The following NDC80 variants were observed in gnomAD, a reference collection of about 807,000 sequenced individuals.
The protein encoded by NDC80 is kinetochore protein NDC80 homolog.
A neutral mutation model predicts 89.3 loss-of-function variants in NDC80; 69 were observed. The observed-to-expected ratio is 0.77, with a 90% CI of 0.64 to 0.94. The LOEUF (loss-of-function observed/expected upper bound fraction) is 0.94. Ranked by LOEUF, NDC80 falls within the 40% of genes least tolerant of loss-of-function variation. The pLI is 0.00. For synonymous variants in NDC80, 243 were observed against 255.6 expected (o/e 0.95, Z 0.47); for missense variants, 593 against 739.6 (o/e 0.80, Z 2.30).
At chr18:2,575,123 C>T in intron 3 of NDC80, 57 bp downstream of exon 3, 2 of 1,224,576 alleles carry the variant, frequency 1.6e-6, no homozygotes, top group East Asian at 2.4e-5. Context: ...TACGTTGTTG[C>T]CCTCAGAGAA....
chr18:2,600,198 C>T (rs371964315), intron 12 of NDC80, among the ~76,000 whole-genome samples: 8 of 152,078 alleles, frequency 5.3e-5, no homozygotes, highest in South Asian at 2.1e-4. Context: ...TGAATATGCT[C>T]GAGGAGAAAT....
chr18:2,599,301 T>A (rs2143656866), intron 12 of NDC80, 130 bp downstream of exon 12: 1 of 689,992 alleles, frequency 1.4e-6, no homozygotes, highest in Middle Eastern at 4.2e-4. Flanking sequence ...ATCTTCTTTC[T>A]TCTCGGTCAT....
chr18:2,593,273 C>T (rs1377246246), intron 10 of NDC80, among the ~76,000 whole-genome samples: 3 of 151,888 alleles, frequency 2.0e-5, no homozygotes, highest in African/African-American at 4.8e-5. Context: ...AGACTGGTTT[C>T]GAACTCCTGA....
chr18:2,584,935 G>C (rs997847084), intron 6 of NDC80, among the ~76,000 whole-genome samples, 178 bp from the exon 7 acceptor site: 1 of 152,136 alleles, frequency 6.6e-6, no homozygotes, highest in African/African-American at 2.4e-5. Flanking sequence ...CCTGCAAATT[G>C]TTTTATTCGA....
chr18:2,571,703 T>A lies in NDC80; in HGVS notation c.-10+20T>A, dbSNP rs2143623008. 1 of 152,490 alleles carries A rather than the reference T, an allele frequency of 6.6e-6. No homozygotes were observed. The highest frequency in any genetic ancestry group is 2.1e-4 in the South Asian group (1 of 4,830). The allele number at this position is 152,490 out of a possible 1,614,324, so 9.4% of individuals were successfully genotyped here. On this transcript the variant is annotated intron_variant, in intron 1 of 16. Coordinates refer to ENST00000261597, the MANE Select transcript of NDC80 (RefSeq NM_006101.3). The stretch of plus-strand genomic sequence containing the variant: ...AAAAAGGTGACTGAATGACATCGGA[T>A]TAACTTTGTTTCTGCAGAGCTGTTC...
chr18:2,590,176 A>G lies in NDC80; in HGVS notation c.1015+14A>G, dbSNP rs2072620623. 6 of 1,560,522 alleles carry G rather than the reference A, an allele frequency of 3.8e-6. No individual in the cohort carries two copies. The East Asian group carries it at 1.4e-4, about 37-fold the overall frequency. On this transcript the variant is annotated intron_variant, in intron 10 of 16. Transcript: ENST00000261597. ...TTGCTAGAGTAGGTAAGCAGAGCTA[A>G]TGCTAAAAGACTGGGATGCGAACCT...
intron 6 of NDC80, among the ~76,000 whole-genome samples, chr18:2,579,687 A>G (rs2072566430): frequency 6.6e-6 from 1 of 152,182 alleles, no homozygotes; most frequent in African/African-American, 2.4e-5. Flanking sequence ...TCAGCCTCCC[A>G]AAGTGCTGGG....
rs1308772389 is a variant in NDC80 at position 2,590,100 on chromosome 18, A to G, written c.953A>G (p.Glu318Gly). 3 of 1,612,300 alleles carry G rather than the reference A, an allele frequency of 1.9e-6. No homozygotes were observed. The highest frequency in any genetic ancestry group is 1.1e-5 in the South Asian group (1 of 90,702). Residue 318 changes from glutamate (E) to glycine (G), a missense_variant, in exon 10 of 17, where the codon GAG becomes GGG. Physicochemically the swap from Glu to Gly is moderately conservative, Grantham distance 98. Coordinates refer to ENST00000261597, the MANE Select transcript of NDC80 (RefSeq NM_006101.3). ...QKYQAYMSNL[E>G]SHSAILDQKL... ...TATCAGGCATACATGAGCAATTTGG[A>G]GTCTCATTCAGCCATTCTTGACCAG...
intron 13 of NDC80, among the ~76,000 whole-genome samples, chr18:2,604,577 G>A (rs2072700665): frequency 6.6e-6 from 1 of 152,210 alleles, no homozygotes; most frequent in South Asian, 2.1e-4. Flanking sequence ...AGCTACTCTG[G>A]AGGCTGAGGT....
Position 2,608,681 on chromosome 18 carries a change from C to A in NDC80, c.1558-19C>A. On this transcript the variant is annotated intron_variant, in intron 14 of 16. Transcript: ENST00000261597. ...ATGTGAATATCAAGAAACCCATAAC[C>A]GTGACTTTATCCTGATAGGAAGCAG... The A allele has an allele frequency of 6.2e-7, 1 of 1,603,118 alleles. No homozygotes were observed. Among genetic ancestry groups the A allele is most frequent in the Non-Finnish European group, 8.5e-7 (1 of 1,171,906 alleles).
At chr18:2,601,532 T>A in intron 13 of NDC80, 47 bp downstream of exon 13, 2 of 858,876 alleles carry the variant, frequency 2.3e-6, no homozygotes, top group Non-Finnish European at 3.4e-6. Flanking sequence ...AATTAGATTT[T>A]AAAACCTAAA....
chr18:2,572,677 A>C (rs1181446671), intron 1 of NDC80, among the ~76,000 whole-genome samples: 1 of 152,240 alleles, frequency 6.6e-6, no homozygotes, highest in Non-Finnish European at 1.5e-5. Context: ...ACCCTTGTGA[A>C]GGCAAAAACC....
chr18:2,581,583 C>G (rs990108565), intron 6 of NDC80, among the ~76,000 whole-genome samples: 2 of 152,192 alleles, frequency 1.3e-5, no homozygotes, highest in African/African-American at 4.8e-5. Context: ...CATTTGAACC[C>G]AGGAGGTGGA....
chr18:2,582,054 T>TTTTG lies in NDC80; in HGVS notation c.580-3023_580-3020dup, dbSNP rs141481220. ...TTTGTTTTTTCGTTCTATGGTGGTT[T>TTTTG]TTTGTTTGTTTGTTTGTTTGTTTGT... On this transcript the variant is annotated intron_variant, in intron 6 of 16. Transcript: ENST00000261597. The TTTTG allele has an allele frequency of 2.8e-3, 415 of 150,816 alleles. 2 individuals are homozygous for TTTTG. The highest frequency in any genetic ancestry group is 4.3e-3 in the Non-Finnish European group (290 of 68,032). 9.3% of individuals were successfully genotyped at this position (150,816 alleles called of 1,614,324 possible).
In NDC80 at chr18:2,597,453, G is replaced by A. The variant is rs376266124; in HGVS notation, c.1222-1566G>A. Among the ~76,000 whole-genome samples the A allele has an allele frequency of 1.2e-4, 19 of 152,268 alleles. No individual in the cohort carries two copies. The South Asian group carries it at 3.3e-3, about 27-fold the overall frequency. Reference sequence around the variant, plus strand: ...CTAAAAGATAGTAAGGATTCGGTCCGGATGCAGTGGCACACGCCTGTAATC... The same window carrying A: ...CTAAAAGATAGTAAGGATTCGGTCCAGATGCAGTGGCACACGCCTGTAATC... On this transcript the variant is annotated intron_variant, in intron 11 of 16. Coordinates refer to ENST00000261597, the MANE Select transcript of NDC80 (RefSeq NM_006101.3).
At chr18:2,586,936 C>T (rs2143642403) in intron 7 of NDC80, among the ~76,000 whole-genome samples, 1 of 152,212 alleles carries the variant, frequency 6.6e-6, no homozygotes, top group East Asian at 1.9e-4. Context: ...TCCACAAACT[C>T]GATATTTTTA....
At chr18:2,613,576 T>G (rs527923520) in intron 16 of NDC80, among the ~76,000 whole-genome samples, 1 of 152,224 alleles carries the variant, frequency 6.6e-6, no homozygotes, top group African/African-American at 2.4e-5. Context: ...CCTTAAACTC[T>G]ACACAGAAAT....
chr18:2,608,049 C>T (rs1380518206), intron 14 of NDC80, among the ~76,000 whole-genome samples: 2 of 136,694 alleles, frequency 1.5e-5, no homozygotes, highest in Admixed American at 7.6e-5. Context: ...TTTCAACTGA[C>T]CAATAATGTT....
At chr18:2,615,323 A>C (rs1331074071) in intron 16 of NDC80, 1 of 152,266 alleles carries the variant, frequency 6.6e-6, no homozygotes, top group Non-Finnish European at 1.5e-5. Context: ...AGGTTAGTCT[A>C]AAATGGGTCC....
Sources: gnomAD v4.1 joint callset for allele counts (sites outside exome capture counted in the v4.1 genomes callset) on GRCh38, gnomAD v4.1.1 for gene constraint, MANE v1.5 for transcripts, NCBI Gene and HGNC (gene_info 2026-07-23, HGNC 2026-07-21) for gene names.